Variants in SPG11 observed in about 807,000 individuals in gnomAD.
SPG11 encodes the protein spatacsin.
SPG11 carries 222 observed loss-of-function variants against 274.0 expected under a neutral mutation model. That is an observed-to-expected ratio of 0.81 (90% CI 0.73 to 0.91). SPG11 has a LOEUF of 0.91. Ranked by LOEUF, SPG11 falls within the 40% of genes least tolerant of loss-of-function variation. SPG11 has a pLI of 0.00. For synonymous variants in SPG11, 1,144 were observed against 1,039.7 expected, an observed-to-expected ratio of 1.10 and a Z score of -1.93; for missense variants, 3,114 against 2,872.7, an observed-to-expected ratio of 1.08 and a Z score of -1.92.
rs967182224 is a variant in SPG11, at chr15:44,573,844, C to G, written c.6007-99G>C. On this transcript the variant is annotated intron_variant, in intron 31 of 39. Coordinates refer to ENST00000261866, the MANE Select transcript of SPG11 (RefSeq NM_025137.4). Reference sequence around the variant, plus strand: ...TGATGTGGACAGACTCCACTGTATTCTGAGCTTACAGACTCCTCACCCTCA... The same window carrying G: ...TGATGTGGACAGACTCCACTGTATTGTGAGCTTACAGACTCCTCACCCTCA... The G allele has an allele frequency of 8.9e-6, 10 of 1,123,868 alleles. No homozygotes were observed. In the African/African-American group the frequency reaches 1.5e-4, roughly 17 times the overall value. The allele number at this position is 1,123,868 out of a possible 1,614,324, so 69.6% of individuals were successfully genotyped here.
intron 6 of SPG11, 111 bp from the exon 7 acceptor site, chr15:44,649,122 T>A: frequency 7.3e-6 from 6 of 823,444 alleles, no homozygotes; most frequent in Non-Finnish European, 7.9e-6. Context: ...TACAAATATA[T>A]TTATATTTAC....
intron 2 of SPG11, 119 bp from the exon 3 acceptor site, chr15:44,659,422 CT>C: frequency 1.1e-6 from 1 of 886,308 alleles, no homozygotes; most frequent in Non-Finnish European, 1.8e-6. Flanking sequence ...CTTAGTCTAA[CT>C]TTACGCAGTT....
chr15:44,594,739 C>T (rs2082991827), intron 26 of SPG11, among the ~76,000 whole-genome samples: 1 of 151,982 alleles, frequency 6.6e-6, no homozygotes, highest in Non-Finnish European at 1.5e-5. Flanking sequence ...TACAACCTTA[C>T]AACCTGGATG....
intron 8 of SPG11, among the ~76,000 whole-genome samples, chr15:44,630,275 T>C (rs1241071523): frequency 6.6e-6 from 1 of 152,168 alleles, no homozygotes; most frequent in Non-Finnish European, 1.5e-5. Flanking sequence ...ATGAGAATTA[T>C]GGGAAACGGG....
chr15:44,622,047 G>T, intron 13 of SPG11, 113 bp from the exon 14 acceptor site: 1 of 1,161,738 alleles, frequency 8.6e-7, no homozygotes, highest in Non-Finnish European at 1.2e-6. Flanking sequence ...TTCTGATTAT[G>T]CAAATATTAA....
intron 20 of SPG11, among the ~76,000 whole-genome samples, chr15:44,601,597 G>A (rs1330745260): frequency 6.9e-6 from 1 of 144,096 alleles, no homozygotes; most frequent in East Asian, 2.0e-4. Flanking sequence ...TTGCTCGGCT[G>A]TCTAGGCTGG....
At chr15:44,575,293 G>T in intron 30 of SPG11, 2 of 466,626 alleles carry the variant, frequency 4.3e-6, no homozygotes, top group Non-Finnish European at 7.9e-6. Context: ...GTGCTCTAGA[G>T]ATCAGCACCA....
chr15:44,596,037 T>A (rs755304092), intron 25 of SPG11, 46 bp downstream of exon 25: 2 of 1,609,566 alleles, frequency 1.2e-6, no homozygotes, highest in Non-Finnish European at 1.7e-6. Flanking sequence ...CATTACTTAT[T>A]CTATTGTTCT....
rs554037555 is a variant in SPG11 at position 44,653,868 on chromosome 15, T to C, written c.870-1602A>G. Reference sequence around the variant, plus strand: ...GGTTTGAACTCCATGGGTCCACTTATATGATTTTTTTTTTCCAAAAATACA... The same window carrying C: ...GGTTTGAACTCCATGGGTCCACTTACATGATTTTTTTTTTCCAAAAATACA... On this transcript the variant is annotated intron_variant, in intron 4 of 39. Transcript: ENST00000261866. 1.3e-4 allele frequency among the ~76,000 whole-genome samples: 20 copies of C among 152,348 alleles called. No individual in the cohort carries two copies. In the South Asian group the frequency reaches 2.3e-3, roughly 17 times the overall value.
intron 4 of SPG11, 103 bp downstream of exon 4, chr15:44,656,986 GAATAGA>G: frequency 1.1e-6 from 1 of 921,662 alleles, no homozygotes; most frequent in Non-Finnish European, 1.7e-6. Context: ...TGATCTAACT[GAATAGA>G]AAAAGAAACA....
At chr15:44,629,607 C>G (rs1315336432) in intron 8 of SPG11, among the ~76,000 whole-genome samples, 1 of 152,084 alleles carries the variant, frequency 6.6e-6, no homozygotes, top group African/African-American at 2.4e-5. Flanking sequence ...CTGCTATTAC[C>G]CTTTTGCTGA....
At chr15:44,566,760 C>T (rs751909631) in intron 36 of SPG11, among the ~76,000 whole-genome samples, 8 of 152,110 alleles carry the variant, frequency 5.3e-5, no homozygotes, top group Admixed American at 1.3e-4. Flanking sequence ...GTGCAATGGG[C>T]GCGATCTTGG....
At chr15:44,641,586 T>C (rs371172030) in intron 7 of SPG11, among the ~76,000 whole-genome samples, 27 of 112,452 alleles carry the variant, frequency 2.4e-4, no homozygotes, top group African/African-American at 3.0e-4. Context: ...CCAAATATCT[T>C]ACACACACAC....
intron 7 of SPG11, among the ~76,000 whole-genome samples, chr15:44,646,721 C>A (rs2084622045): frequency 6.6e-6 from 1 of 152,120 alleles, no homozygotes. Flanking sequence ...TGAACTAATG[C>A]AGGAACAGAA....
intron 8 of SPG11, among the ~76,000 whole-genome samples, chr15:44,632,323 A>C (rs2084091565): frequency 6.6e-6 from 1 of 152,102 alleles, no homozygotes; most frequent in Non-Finnish European, 1.5e-5. Context: ...TACAGCTCAC[A>C]CCAAAACAAT....
intron 3 of SPG11, 63 bp downstream of exon 3, chr15:44,659,016 G>C (rs977232682): frequency 4.7e-6 from 7 of 1,498,254 alleles, no homozygotes; most frequent in Non-Finnish European, 6.5e-6. Flanking sequence ...GCCTAAAAAG[G>C]CTCATCTTTA....
At position 44,585,850 on chromosome 15, in the gene SPG11, C is replaced by T. The variant is rs777664479; in HGVS notation, c.4907G>A (p.Gly1636Asp). The T allele has an allele frequency of 3.1e-6, 5 of 1,613,554 alleles. No homozygotes were observed. In the Admixed American group the frequency reaches 8.3e-5, roughly 27 times the overall value. Residue 1636 changes from glycine to aspartate, a missense_variant and splice_region_variant, in exon 29 of 40, where the codon GGT becomes GAT. Physicochemically the swap from Gly to Asp is moderately conservative, Grantham distance 94 (BLOSUM62 -1). Coordinates refer to ENST00000261866, the MANE Select transcript of SPG11 (RefSeq NM_025137.4). ...GATGCAAAGCTTTTTCACATCTGGA[C>T]CTGTGCCAAAGAGAAAAGGATATAA... ...FVEREHLFSDGPDVKKLCILC... is the reference protein window; with the variant it reads ...FVEREHLFSDDPDVKKLCILC...
chr15:44,618,583 C>T (rs902479206), intron 15 of SPG11, among the ~76,000 whole-genome samples: 9 of 149,572 alleles, frequency 6.0e-5, no homozygotes, highest in Admixed American at 2.0e-4. Context: ...TTTGGGAGGC[C>T]GAGGCGGGCA....
In SPG11 at chr15:44,563,302, C is replaced by G. The variant is rs200079802; in HGVS notation, c.7152-1G>C. ...GTCAGTAGGCTGATGTTGTTTATAT[C>G]TAGATAAAGAAACATAATGTACAGG... On this transcript the variant is annotated splice_acceptor_variant, in intron 39 of 39. Transcript: ENST00000261866. LOFTEE classifies it high-confidence loss of function. The G allele has an allele frequency of 4.5e-5, 73 of 1,611,014 alleles. No individual in the cohort carries two copies. Among genetic ancestry groups the G allele is most frequent in the Non-Finnish European group, 4.8e-5 (56 of 1,177,616 alleles).
Sources: gnomAD v4.1 joint callset for allele counts (sites outside exome capture counted in the v4.1 genomes callset) on GRCh38, gnomAD v4.1.1 for gene constraint, MANE v1.5 for transcripts, NCBI Gene and HGNC (gene_info 2026-07-23, HGNC 2026-07-21) for gene names.